CNTN5: variants seen among roughly 807,000 people sequenced by gnomAD.
CNTN5 encodes contactin 5, also known as contactin-5.
CNTN5 carries 77 observed loss-of-function variants against 129.1 expected under a neutral mutation model. The observed-to-expected ratio is 0.60, with a 90% CI of 0.50 to 0.72. The LOEUF (loss-of-function observed/expected upper bound fraction) is 0.72. CNTN5 is among the 30% of genes least tolerant of loss of function. CNTN5 has a pLI of 0.00. For synonymous variants in CNTN5, 509 were observed against 465.6 expected, an observed-to-expected ratio of 1.09 and a Z score of -1.20; for missense variants, 1,478 against 1,328.8, an observed-to-expected ratio of 1.11 and a Z score of -1.75.
intron 6 of CNTN5, among the ~76,000 whole-genome samples, chr11:99,896,605 C>T (rs560145149): frequency 3.3e-5 from 5 of 152,310 alleles, no homozygotes; most frequent in African/African-American, 1.2e-4. Context: ...GGTTATTCCT[C>T]TAAGAGCCCA....
At chr11:99,542,968 A>T (rs1591251124) in intron 2 of CNTN5, among the ~76,000 whole-genome samples, 1 of 152,222 alleles carries the variant, frequency 6.6e-6, no homozygotes, top group East Asian at 1.9e-4. Flanking sequence ...TGCCTCATAA[A>T]GGCCATAGGT....
intron 1 of CNTN5, among the ~76,000 whole-genome samples, chr11:99,053,735 T>C (rs1864519316): frequency 6.6e-6 from 1 of 151,908 alleles, no homozygotes; most frequent in Non-Finnish European, 1.5e-5. Context: ...GAGGATGATA[T>C]AATGAGGGCA....
At chr11:99,736,345 C>T (rs1412564538) in intron 3 of CNTN5, among the ~76,000 whole-genome samples, 1 of 152,040 alleles carries the variant, frequency 6.6e-6, no homozygotes, top group African/African-American at 2.4e-5. Context: ...GGAGCTGTTC[C>T]TTTTAGTGTG....
At chr11:99,238,754 A>G (rs1486720548) in intron 1 of CNTN5, among the ~76,000 whole-genome samples, 2 of 152,158 alleles carry the variant, frequency 1.3e-5, no homozygotes, top group Non-Finnish European at 2.9e-5. Context: ...CTATCTACAT[A>G]CAAGTGCATG....
chr11:99,826,521 A>G (rs944730214), intron 4 of CNTN5, among the ~76,000 whole-genome samples: 1 of 152,208 alleles, frequency 6.6e-6, no homozygotes, highest in African/African-American at 2.4e-5. Context: ...CATAGAATAG[A>G]GGCATCAAAT....
intron 3 of CNTN5, among the ~76,000 whole-genome samples, chr11:99,641,786 C>T (rs999462798): frequency 6.6e-6 from 1 of 152,154 alleles, no homozygotes; most frequent in Non-Finnish European, 1.5e-5. Context: ...GCTTCCCTCC[C>T]TTTGCCTATC....
chr11:100,112,580 T>A (rs1398824131), intron 13 of CNTN5, among the ~76,000 whole-genome samples: 1 of 152,158 alleles, frequency 6.6e-6, no homozygotes, highest in Non-Finnish European at 1.5e-5. Context: ...GGGTGCTTGT[T>A]ACAGTTCACT....
At chr11:100,127,138 C>T (rs1421564) in intron 13 of CNTN5, among the ~76,000 whole-genome samples, 57,663 of 138,262 alleles carry the variant, frequency 0.42, 13,317 homozygotes, top group East Asian at 0.7. Flanking sequence ...TAGGGTTTTG[C>T]CATGCTGCCC....
chr11:99,989,514 C>T (rs1938913743), intron 8 of CNTN5, among the ~76,000 whole-genome samples: 1 of 140,314 alleles, frequency 7.1e-6, no homozygotes, highest in Non-Finnish European at 1.6e-5. Flanking sequence ...AATAGATAGA[C>T]ACATACACAC....
chr11:99,873,092 G>A (rs1377328867), intron 6 of CNTN5, among the ~76,000 whole-genome samples: 1 of 224 alleles, frequency 4.5e-3, no homozygotes, highest in Admixed American at 0.071. Context: ...TTTTGTAACT[G>A]CCACCCAGGC....
chr11:100,294,286 A>T (rs1288081887), intron 18 of CNTN5, among the ~76,000 whole-genome samples: 1 of 151,756 alleles, frequency 6.6e-6, no homozygotes, highest in Non-Finnish European at 1.5e-5. Context: ...ACCTACTGAG[A>T]AGTCCTTTGA....
chr11:100,268,386 G>T (rs1380115133), intron 17 of CNTN5, among the ~76,000 whole-genome samples: 1 of 152,118 alleles, frequency 6.6e-6, no homozygotes, highest in Non-Finnish European at 1.5e-5. Context: ...CTGGAGCATT[G>T]TAACAGTAAG....
chr11:99,439,800 T>C (rs1354964175), intron 2 of CNTN5, among the ~76,000 whole-genome samples: 1 of 151,832 alleles, frequency 6.6e-6, no homozygotes, highest in East Asian at 1.9e-4. Context: ...TTAGATAAGA[T>C]ACATGCATCT....
intron 6 of CNTN5, among the ~76,000 whole-genome samples, chr11:99,911,219 A>AATCGT (rs1385323681): frequency 3.9e-5 from 6 of 152,066 alleles, no homozygotes; most frequent in Non-Finnish European, 8.8e-5. Flanking sequence ...ATTTGCATTA[A>AATCGT]ATCGTATCTG....
intron 2 of CNTN5, among the ~76,000 whole-genome samples, chr11:99,486,925 A>G (rs190567380): frequency 6.7e-4 from 102 of 152,294 alleles, no homozygotes; most frequent in African/African-American, 2.3e-3. Flanking sequence ...ACAGTGAGCT[A>G]TATTATACAA....
chr11:99,144,412 A>G (rs1285708711), intron 1 of CNTN5, among the ~76,000 whole-genome samples: 1 of 152,214 alleles, frequency 6.6e-6, no homozygotes, highest in Non-Finnish European at 1.5e-5. Context: ...CAGAAAAAGG[A>G]TATTTCAAGA....
chr11:99,106,313 GT>G lies in CNTN5; in HGVS notation c.-210+85044del, dbSNP rs1866991277. Reference sequence around the variant, plus strand: ...AAGTGCAGATAACAAAATTTCATTAGTGTAATATACTCAAACATATGCTTAA... The same window carrying G: ...AAGTGCAGATAACAAAATTTCATTAGGTAATATACTCAAACATATGCTTAA... On this transcript the variant is annotated intron_variant, in intron 1 of 24. Coordinates refer to ENST00000524871, the MANE Select transcript of CNTN5 (RefSeq NM_014361.4). Among the ~76,000 whole-genome samples the G allele has an allele frequency of 3.9e-5, 6 of 152,134 alleles. No homozygotes were observed. The South Asian group carries it at 1.2e-3, about 32-fold the overall frequency.
At chr11:99,769,510 A>G (rs1254780071) in intron 3 of CNTN5, among the ~76,000 whole-genome samples, 2 of 152,130 alleles carry the variant, frequency 1.3e-5, no homozygotes, top group Non-Finnish European at 2.9e-5. Context: ...AATGAGAATC[A>G]TGACTCCCCA....
intron 3 of CNTN5, among the ~76,000 whole-genome samples, chr11:99,596,647 A>G (rs1950135310): frequency 6.6e-6 from 1 of 152,200 alleles, no homozygotes; most frequent in African/African-American, 2.4e-5. Context: ...GTACCATTAC[A>G]TAAACATGTG....
Sources: allele counts gnomAD v4.1 joint callset (sites outside exome capture counted in the v4.1 genomes callset), GRCh38; gene constraint gnomAD v4.1.1; transcripts MANE v1.5; gene names NCBI Gene and HGNC (gene_info 2026-07-23, HGNC 2026-07-21).